Variants in OTOGL observed in about 807,000 individuals in gnomAD.
OTOGL encodes otogelin-like protein.
OTOGL carries 285 observed loss-of-function variants against 318.5 expected under a neutral mutation model. The observed-to-expected ratio is 0.89, with a 90% CI of 0.81 to 0.99. OTOGL has a LOEUF of 0.99. Ranked by LOEUF, OTOGL falls within the 50% of genes least tolerant of loss-of-function variation. OTOGL has a pLI of 0.00. For synonymous variants in OTOGL, 987 were observed against 936.5 expected, an observed-to-expected ratio of 1.05 and a Z score of -0.99; for missense variants, 2,899 against 2,845.6, an observed-to-expected ratio of 1.02 and a Z score of -0.43.
chr12:80,178,988 A>T (rs1289400491), intron 1 of OTOGL, among the ~76,000 whole-genome samples: 1 of 152,112 alleles, frequency 6.6e-6, no homozygotes, highest in African/African-American at 2.4e-5. Context: ...GTTGTGGTTT[A>T]TTACTGACAC....
chr12:80,274,599 C>T (rs1883656593), intron 24 of OTOGL, among the ~76,000 whole-genome samples: 1 of 152,038 alleles, frequency 6.6e-6, no homozygotes, highest in South Asian at 2.1e-4. Context: ...ATGAAGGTGG[C>T]TACACTAAAC....
At chr12:80,241,371 G>A (rs1880362041) in intron 11 of OTOGL, among the ~76,000 whole-genome samples, 2 of 151,926 alleles carry the variant, frequency 1.3e-5, no homozygotes, top group Admixed American at 1.3e-4. Flanking sequence ...TAAAATATTG[G>A]CTAGTGACCT....
rs386377123 is a variant in OTOGL, at chr12:80,368,390, C to CCCA, written c.6615+82_6615+83insCAC. 205 of 880,798 alleles carry CCCA rather than the reference C, an allele frequency of 2.3e-4. No homozygotes were observed. In the African/African-American group the frequency reaches 2.7e-3, roughly 12 times the overall value. 54.6% of individuals were successfully genotyped at this position (880,798 alleles called of 1,614,324 possible). On this transcript the variant is annotated intron_variant, in intron 55 of 58. Transcript: ENST00000547103. ...GTCAAAGTTTGGAAAATGTCCCCCC[C>CCCA]CACACACACTGCACTGCATACAATA...
At chr12:80,301,396 G>A (rs1885750764) in intron 27 of OTOGL, among the ~76,000 whole-genome samples, 1 of 151,994 alleles carries the variant, frequency 6.6e-6, no homozygotes, top group Admixed American at 6.5e-5. Context: ...TACAACCATG[G>A]TCTAATACTT....
intron 22 of OTOGL, among the ~76,000 whole-genome samples, chr12:80,268,099 A>T (rs7953471): frequency 0.053 from 8,005 of 152,186 alleles, 675 homozygotes; most frequent in African/African-American, 0.18. Context: ...TCTGGTTATA[A>T]ATTTTCTGTT....
intron 1 of OTOGL, among the ~76,000 whole-genome samples, chr12:80,203,013 T>G (rs1023725214): frequency 6.6e-6 from 1 of 152,200 alleles, no homozygotes; most frequent in African/African-American, 2.4e-5. Flanking sequence ...TACCTGAGAA[T>G]GAGAATTAGA....
chr12:80,372,316 A>G (rs1255108207), intron 57 of OTOGL, among the ~76,000 whole-genome samples: 1 of 152,112 alleles, frequency 6.6e-6, no homozygotes, highest in African/African-American at 2.4e-5. Flanking sequence ...AGTGTAAAGA[A>G]AGTGTTTGCA....
chr12:80,253,489 T>C lies in OTOGL; in HGVS notation c.1309T>C (p.Cys437Arg). 1 of 1,613,258 alleles carries C rather than the reference T, an allele frequency of 6.2e-7. No homozygotes were observed. The change falls in exon 14 of 59, where the codon TGC becomes CGC. Residue 437 changes from cysteine (C) to arginine (R), a missense_variant. Cys to Arg is a radical substitution (Grantham distance 180). Coordinates refer to ENST00000547103, the MANE Select transcript of OTOGL (RefSeq NM_001378609.3). ...PDGLVMDNGT[C>R]ISLENCPCGF... ...AGGCCTCGTAATGGACAATGGGACT[T>C]GCATCTCCTTGGAAAATTGCCCATG...
intron 44 of OTOGL, among the ~76,000 whole-genome samples, chr12:80,344,107 A>G (rs1427814428): frequency 6.6e-6 from 1 of 152,206 alleles, no homozygotes; most frequent in Non-Finnish European, 1.5e-5. Flanking sequence ...TCAGTTTTAC[A>G]TGGAGATTTG....
intron 26 of OTOGL, among the ~76,000 whole-genome samples, chr12:80,281,458 G>C (rs1884231826): frequency 6.6e-6 from 1 of 151,864 alleles, no homozygotes; most frequent in African/African-American, 2.4e-5. Flanking sequence ...ATGATCATGT[G>C]GTTTTTGTTT....
intron 43 of OTOGL, among the ~76,000 whole-genome samples, chr12:80,340,109 A>G (rs1888669369): frequency 6.6e-6 from 1 of 152,198 alleles, no homozygotes. Flanking sequence ...TTGGTTTAGT[A>G]CAAATATATC....
intron 1 of OTOGL, among the ~76,000 whole-genome samples, chr12:80,105,523 T>C (rs1869405332): frequency 6.6e-6 from 1 of 152,228 alleles, no homozygotes; most frequent in Non-Finnish European, 1.5e-5. Flanking sequence ...CATATATTAT[T>C]ATTGTTCTTG....
Position 80,368,188 on chromosome 12 carries a change from A to G in OTOGL, c.6511-17A>G, listed in dbSNP as rs777649814. 45 of 1,521,644 alleles carry G rather than the reference A, an allele frequency of 3.0e-5. No homozygotes were observed. In the East Asian group the frequency reaches 9.4e-4, roughly 32 times the overall value. 94.3% of individuals were successfully genotyped at this position (1,521,644 alleles called of 1,614,324 possible). ...AATATTGATATGGTGTCGCTAATCTAATATCATTATATGCAGCACCAGGTA... is the reference window on the plus strand; with the variant it reads ...AATATTGATATGGTGTCGCTAATCTGATATCATTATATGCAGCACCAGGTA... On this transcript the variant is annotated splice_polypyrimidine_tract_variant and intron_variant, in intron 54 of 58. Coordinates refer to ENST00000547103, the MANE Select transcript of OTOGL (RefSeq NM_001378609.3).
intron 29 of OTOGL, among the ~76,000 whole-genome samples, chr12:80,307,015 G>A (rs1482602692): frequency 4.0e-5 from 6 of 148,476 alleles, no homozygotes; most frequent in African/African-American, 1.3e-4. Context: ...GACTCTTAAC[G>A]AGCATGCTGC....
In OTOGL at chr12:80,302,662, A is replaced by C; in HGVS notation, c.3092A>C (p.Lys1031Thr). 7.2e-7 allele frequency: 1 copy of C among 1,390,344 alleles called. No individual in the cohort carries two copies. Among genetic ancestry groups the C allele is most frequent in the Non-Finnish European group, 9.3e-7 (1 of 1,069,904 alleles). 86.1% of individuals were successfully genotyped at this position (1,390,344 alleles called of 1,614,324 possible). Reference sequence around the variant, plus strand: ...CAATCAGGTTTTTTTCTGGAAAACAAATCTACCTACCAGCTTTGGAAGGCT... The same window carrying C: ...CAATCAGGTTTTTTTCTGGAAAACACATCTACCTACCAGCTTTGGAAGGCT... ...QKQSGFFLEN[K>T]STYQLWKAGY... The change falls in exon 28 of 59, where the codon AAA (lysine) becomes ACA (threonine). Residue 1031 changes from lysine (K) to threonine (T), a missense_variant. Lys to Thr is a moderately conservative substitution (Grantham distance 78). This residue lies in a region of OTOGL where 2,607 missense variants were observed against 2,524.9 expected (regional missense o/e 1.03). Transcript: ENST00000547103.
intron 31 of OTOGL, 38 bp from the exon 32 acceptor site, chr12:80,314,267 T>G: frequency 1.3e-6 from 1 of 793,436 alleles, no homozygotes; most frequent in Non-Finnish European, 1.7e-6. Context: ...GTGATTGACT[T>G]CTTACATAGT....
At chr12:80,200,834 T>G (rs2137283727) in intron 1 of OTOGL, among the ~76,000 whole-genome samples, 1 of 152,276 alleles carries the variant, frequency 6.6e-6, no homozygotes, top group South Asian at 2.1e-4. Context: ...GCAGGTAAGA[T>G]GGACTCATAC....
In OTOGL at chr12:80,342,515, C is replaced by A. The variant is rs1344210763; in HGVS notation, c.5265+353C>A. Among the ~76,000 whole-genome samples, 3 of 152,174 alleles carry A rather than the reference C, an allele frequency of 2.0e-5. No homozygotes were observed. In the East Asian group the frequency reaches 5.8e-4, roughly 29 times the overall value. Reference sequence around the variant, plus strand: ...TTTAATCAATTCCTTATGATCCTGGCTTCTTAGGCACATACTTGTAATAGA... The same window carrying A: ...TTTAATCAATTCCTTATGATCCTGGATTCTTAGGCACATACTTGTAATAGA... On this transcript the variant is annotated intron_variant, in intron 44 of 58. Coordinates refer to ENST00000547103, the MANE Select transcript of OTOGL (RefSeq NM_001378609.3).
intron 50 of OTOGL, 93 bp from the exon 51 acceptor site, chr12:80,358,578 T>C (rs1000744643): frequency 7.8e-5 from 79 of 1,017,464 alleles, no homozygotes; most frequent in Admixed American, 5.4e-4. Context: ...TATGAATCCA[T>C]GCATTATTGT....
Sources: gnomAD v4.1 joint callset for allele counts (sites outside exome capture counted in the v4.1 genomes callset) on GRCh38, gnomAD v4.1.1 for gene constraint, gnomAD v4.1.1 regional missense constraint, MANE v1.5 for transcripts, NCBI Gene and HGNC (gene_info 2026-07-23, HGNC 2026-07-21) for gene names.